The following EVA1A variants were observed in gnomAD, a reference collection of about 807,000 sequenced individuals.
The protein encoded by EVA1A is protein eva-1 homolog A.
EVA1A carries 7 observed loss-of-function variants against 9.8 expected under a neutral mutation model. The ratio of observed to expected loss-of-function variants is 0.71; its 90% confidence interval spans 0.41 to 1.34. EVA1A has a LOEUF of 1.34. EVA1A is among the 40% of genes most tolerant of loss of function. EVA1A has a pLI of 0.01. For missense variants in EVA1A, 206 were observed against 205.9 expected, an observed-to-expected ratio of 1.00 and a Z score of 0.00; for synonymous variants, 90 against 85.6, an observed-to-expected ratio of 1.05 and a Z score of -0.28.
chr2:75,528,340 C>T (rs922658837), intron 1 of EVA1A, among the ~76,000 whole-genome samples: 5 of 152,138 alleles, frequency 3.3e-5, no homozygotes, highest in Non-Finnish European at 5.9e-5. Flanking sequence ...GCCTGAAAGC[C>T]CTGCTTGCTT....
chr2:75,536,984 C>A (rs943621129), intron 1 of EVA1A, among the ~76,000 whole-genome samples: 53 of 152,172 alleles, frequency 3.5e-4, no homozygotes, highest in Middle Eastern at 3.4e-3. Flanking sequence ...CGGATACCAA[C>A]CCCAGACAAA....
intron 1 of EVA1A, among the ~76,000 whole-genome samples, chr2:75,533,972 C>A (rs536484969): frequency 1.2e-4 from 18 of 151,896 alleles, no homozygotes; most frequent in African/African-American, 3.9e-4. Context: ...CCACCACGCC[C>A]GGCTAATTTT....
chr2:75,513,321 A>T (rs931275480), intron 3 of EVA1A, among the ~76,000 whole-genome samples: 1 of 152,226 alleles, frequency 6.6e-6, no homozygotes. Flanking sequence ...TATACTATAA[A>T]ATATTTTTAA....
intron 3 of EVA1A, among the ~76,000 whole-genome samples, chr2:75,514,861 G>A (rs1040330044): frequency 3.9e-5 from 6 of 152,086 alleles, no homozygotes; most frequent in Admixed American, 3.3e-4. Flanking sequence ...TGTTTTTAAG[G>A]GCTTTGATGG....
At chr2:75,530,528 C>T (rs1390899161) in intron 1 of EVA1A, among the ~76,000 whole-genome samples, 1 of 152,042 alleles carries the variant, frequency 6.6e-6, no homozygotes, top group Non-Finnish European at 1.5e-5. Flanking sequence ...CTGAATCCAA[C>T]AGTATATCAA....
intron 3 of EVA1A, among the ~76,000 whole-genome samples, chr2:75,501,360 A>G (rs1377203087): frequency 6.6e-6 from 1 of 152,222 alleles, no homozygotes; most frequent in Non-Finnish European, 1.5e-5. Flanking sequence ...GAAACATTCT[A>G]AAGGAATTTT....
chr2:75,518,222 T>C lies in EVA1A; in HGVS notation c.-68-14A>G. The C allele has an allele frequency of 6.4e-7, 1 of 1,563,068 alleles. No homozygotes were observed. The highest frequency in any genetic ancestry group is 8.6e-7 in the Non-Finnish European group (1 of 1,157,176). On this transcript the variant is annotated splice_polypyrimidine_tract_variant and intron_variant, in intron 2 of 3. Transcript: ENST00000393913. ...CCTTCTTCTCTTCTGTTTGGGAACA[T>C]AAAGTGAGTGATAAGAAACATTCTG...
chr2:75,555,311 CT>C (rs1558693539), intron 1 of EVA1A, among the ~76,000 whole-genome samples: 18 of 144,552 alleles, frequency 1.2e-4, no homozygotes, highest in Admixed American at 2.1e-4. Context: ...ATCTCTCTCT[CT>C]CTCTCTCTCT....
At position 75,559,937 on chromosome 2, in the gene EVA1A, G is replaced by C. The variant is rs535402799; in HGVS notation, c.-192+743C>G. ...TCAGGCAGTTAATAAGAACAACATG[G>C]CAAGCCAGCACGATGTGGTTGGCAC... On this transcript the variant is annotated intron_variant, in intron 1 of 3. Transcript: ENST00000393913. 2.6e-5 allele frequency among the ~76,000 whole-genome samples: 4 copies of C among 152,200 alleles called. No individual in the cohort carries two copies. The East Asian group carries it at 7.7e-4, about 29-fold the overall frequency.
At chr2:75,523,110 C>T (rs948112403) in intron 1 of EVA1A, among the ~76,000 whole-genome samples, 14 of 152,220 alleles carry the variant, frequency 9.2e-5, no homozygotes, top group African/African-American at 3.1e-4. Flanking sequence ...CCCCACTTCA[C>T]GTGTGCACAC....
chr2:75,556,395 T>G (rs1676713114), intron 1 of EVA1A, among the ~76,000 whole-genome samples: 1 of 152,168 alleles, frequency 6.6e-6, no homozygotes, highest in African/African-American at 2.4e-5. Flanking sequence ...AAGTGTGACA[T>G]CAGAGGCCTC....
At chr2:75,502,950 T>C (rs2103792835) in intron 3 of EVA1A, among the ~76,000 whole-genome samples, 1 of 152,300 alleles carries the variant, frequency 6.6e-6, no homozygotes, top group African/African-American at 2.4e-5. Context: ...CCCCACCTAT[T>C]ACATAGGCCT....
chr2:75,567,279 A>G (rs1265416484), intron 1 of EVA1A, among the ~76,000 whole-genome samples: 3 of 152,226 alleles, frequency 2.0e-5, no homozygotes, highest in Non-Finnish European at 4.4e-5. Flanking sequence ...ATGTCTAGAA[A>G]ACTATACATT....
intron 3 of EVA1A, among the ~76,000 whole-genome samples, chr2:75,511,260 C>G (rs1460986689): frequency 6.6e-6 from 1 of 152,146 alleles, no homozygotes; most frequent in Admixed American, 6.6e-5. Context: ...TTTACACATA[C>G]TTTGTTCCCA....
chr2:75,565,849 A>AT (rs1264316582), upstream of EVA1A, among the ~76,000 whole-genome samples: 1 of 152,128 alleles, frequency 6.6e-6, no homozygotes, highest in East Asian at 1.9e-4. Flanking sequence ...GAGGCCGAAA[A>AT]TTTTTTTTCA....
intron 3 of EVA1A, among the ~76,000 whole-genome samples, chr2:75,513,898 C>T (rs1674911677): frequency 6.6e-6 from 1 of 152,128 alleles, no homozygotes; most frequent in Admixed American, 6.6e-5. Flanking sequence ...GTTTAGGCCA[C>T]CAAGTTGAGG....
chr2:75,566,700 T>TGG (rs1677035308), intron 1 of EVA1A, among the ~76,000 whole-genome samples: 1 of 152,244 alleles, frequency 6.6e-6, no homozygotes, highest in Non-Finnish European at 1.5e-5. Context: ...TTGTCTTGCT[T>TGG]GGGGCAATAG....
At chr2:75,558,039 C>T (rs1007334180) in intron 1 of EVA1A, among the ~76,000 whole-genome samples, 7 of 152,220 alleles carry the variant, frequency 4.6e-5, no homozygotes, top group Non-Finnish European at 8.8e-5. Flanking sequence ...TTGGCCCTAC[C>T]GCTCATTAGC....
chr2:75,528,834 G>A (rs1246622625), intron 1 of EVA1A, among the ~76,000 whole-genome samples: 1 of 152,158 alleles, frequency 6.6e-6, no homozygotes, highest in East Asian at 1.9e-4. Context: ...GAAAGCTCCT[G>A]GCTGGAGGGC....
Sources: gnomAD v4.1 joint callset for allele counts (sites outside exome capture counted in the v4.1 genomes callset) on GRCh38, gnomAD v4.1.1 for gene constraint, MANE v1.5 for transcripts, NCBI Gene and HGNC (gene_info 2026-07-23, HGNC 2026-07-21) for gene names.